The following CCDC148 variants were observed in gnomAD, a reference collection of about 807,000 sequenced individuals.
CCDC148 encodes coiled-coil domain containing 148.
In CCDC148, 89 loss-of-function variants were observed where a neutral mutation model predicts 85.7. The ratio of observed to expected loss-of-function variants is 1.04; its 90% CI spans 0.87 to 1.24. CCDC148 has a LOEUF of 1.24. CCDC148 is among the 50% of genes most tolerant of loss of function. The probability of loss-of-function intolerance (pLI) is 0.00; values close to 1 mark genes in which losing one functional copy is unlikely to be tolerated. For missense variants in CCDC148, 692 were observed against 671.7 expected (o/e 1.03, Z -0.33); for synonymous variants, 230 against 213.9 (o/e 1.08, Z -0.66).
At chr2:158,331,941 G>A (rs1157669520) in intron 7 of CCDC148, among the ~76,000 whole-genome samples, 1 of 152,042 alleles carries the variant, frequency 6.6e-6, no homozygotes, top group Non-Finnish European at 1.5e-5. Context: ...GCACACTGAT[G>A]GGTCTTGACT....
intron 2 of CCDC148, among the ~76,000 whole-genome samples, chr2:158,355,191 C>G (rs7420144): frequency 0.4 from 61,051 of 151,262 alleles, 12,979 homozygotes; most frequent in South Asian, 0.61. Context: ...CCCTCTCTCA[C>G]CACTCCTATT....
chr2:158,447,703 G>A (rs1688217988), intron 1 of CCDC148, among the ~76,000 whole-genome samples: 2 of 151,950 alleles, frequency 1.3e-5, no homozygotes, highest in East Asian at 1.9e-4. Flanking sequence ...TACCTTTTTG[G>A]TGAAATCTCT....
At chr2:158,370,829 A>G (rs1423182198) in intron 1 of CCDC148, among the ~76,000 whole-genome samples, 1 of 151,780 alleles carries the variant, frequency 6.6e-6, no homozygotes, top group African/African-American at 2.4e-5. Flanking sequence ...GGAATAAACT[A>G]TATAAGAAGT....
intron 11 of CCDC148, among the ~76,000 whole-genome samples, chr2:158,186,967 A>T (rs537660623): frequency 6.6e-6 from 1 of 151,858 alleles, no homozygotes; most frequent in East Asian, 1.9e-4. Flanking sequence ...CCAATATCCA[A>T]CTCTAATTCT....
intron 1 of CCDC148, among the ~76,000 whole-genome samples, chr2:158,386,486 T>C (rs1458774562): frequency 6.6e-6 from 1 of 152,114 alleles, no homozygotes; most frequent in African/African-American, 2.4e-5. Flanking sequence ...GCAATGCAGA[T>C]TAATTTTTCT....
intron 9 of CCDC148, among the ~76,000 whole-genome samples, chr2:158,291,799 A>G (rs542279381): frequency 6.6e-6 from 1 of 152,350 alleles, no homozygotes; most frequent in South Asian, 2.1e-4. Flanking sequence ...AGGTAGGTGC[A>G]CAAAAACTAT....
At position 158,440,658 on chromosome 2, in the gene CCDC148, C is replaced by T. The variant is rs540361738; in HGVS notation, c.25+15757G>A. On this transcript the variant is annotated intron_variant, in intron 1 of 13. Transcript: ENST00000283233. ...TAATAAAATAGAATGTTTATAGCAA[C>T]GTACTATAATAAAATTATGTAAATG... Among the ~76,000 whole-genome samples the T allele has an allele frequency of 3.4e-4, 51 of 152,224 alleles. 1 individual carries two copies. The highest frequency in any genetic ancestry group is 6.8e-3 in the Middle Eastern group (2 of 294).
At chr2:158,302,187 G>A (rs1017200707) in intron 9 of CCDC148, among the ~76,000 whole-genome samples, 3 of 152,182 alleles carry the variant, frequency 2.0e-5, no homozygotes, top group Non-Finnish European at 4.4e-5. Flanking sequence ...CACCTGGCAA[G>A]AGACAGAAAG....
chr2:158,380,629 ATAT>A (rs1684831313), intron 1 of CCDC148, among the ~76,000 whole-genome samples: 1 of 152,186 alleles, frequency 6.6e-6, no homozygotes, highest in Admixed American at 6.6e-5. Context: ...TGGTTTAAAA[ATAT>A]GTATAGAAAT....
At chr2:158,422,577 C>T (rs1179054504) in intron 1 of CCDC148, among the ~76,000 whole-genome samples, 5 of 152,046 alleles carry the variant, frequency 3.3e-5, no homozygotes, top group African/African-American at 2.4e-5. Flanking sequence ...ATTGATGGGA[C>T]GTATCTCAAA....
chr2:158,199,874 A>T (rs1341557266), intron 11 of CCDC148, among the ~76,000 whole-genome samples: 1 of 152,248 alleles, frequency 6.6e-6, no homozygotes, highest in Non-Finnish European at 1.5e-5. Flanking sequence ...TGCTTAAAGC[A>T]TAAACATCTA....
At chr2:158,280,931 C>T (rs1322246579) in intron 9 of CCDC148, among the ~76,000 whole-genome samples, 1 of 152,180 alleles carries the variant, frequency 6.6e-6, no homozygotes, top group African/African-American at 2.4e-5. Context: ...AACTATCTCT[C>T]AGACCACAGT....
chr2:158,347,636 G>C (rs541087128), intron 2 of CCDC148, among the ~76,000 whole-genome samples: 2 of 152,124 alleles, frequency 1.3e-5, no homozygotes, highest in South Asian at 4.2e-4. Flanking sequence ...CCAAAACAAT[G>C]AATTCATAAA....
intron 1 of CCDC148, among the ~76,000 whole-genome samples, chr2:158,390,007 T>C (rs532226680): frequency 1.3e-5 from 2 of 152,282 alleles, no homozygotes; most frequent in Non-Finnish European, 2.9e-5. Context: ...TCTTAGCACT[T>C]GTATCAGAGA....
chr2:158,225,761 A>G (rs1027132020), intron 10 of CCDC148, among the ~76,000 whole-genome samples: 48 of 152,342 alleles, frequency 3.2e-4, no homozygotes, highest in Admixed American at 9.1e-4. Context: ...AACCAATGAG[A>G]ACAAAGACAC....
intron 2 of CCDC148, among the ~76,000 whole-genome samples, chr2:158,347,792 C>T (rs1332711222): frequency 6.6e-6 from 1 of 151,966 alleles, no homozygotes; most frequent in Admixed American, 6.6e-5. Flanking sequence ...ACTAGTAGAC[C>T]ACTGGTTACA....
In CCDC148 at chr2:158,286,273, T is replaced by C. The variant is rs575658255; in HGVS notation, c.1110+23160A>G. Among the ~76,000 whole-genome samples the C allele has an allele frequency of 9.5e-4, 144 of 152,286 alleles. 1 individual carries two copies. Among genetic ancestry groups the C allele is most frequent in the African/African-American group, 3.4e-3 (141 of 41,566 alleles). Reference sequence around the variant, plus strand: ...CCTCTGCAAAGAAACAATAAAACTTTACAAGAGGCTGCTCTGCCTATGGAG... The same window carrying C: ...CCTCTGCAAAGAAACAATAAAACTTCACAAGAGGCTGCTCTGCCTATGGAG... On this transcript the variant is annotated intron_variant, in intron 9 of 13. Coordinates refer to ENST00000283233, the MANE Select transcript of CCDC148 (RefSeq NM_138803.4).
At chr2:158,407,687 G>T (rs980166637) in intron 1 of CCDC148, among the ~76,000 whole-genome samples, 1 of 152,098 alleles carries the variant, frequency 6.6e-6, no homozygotes, top group Non-Finnish European at 1.5e-5. Context: ...AAAATAATGT[G>T]GGTCCCAGCT....
At chr2:158,407,372 A>G (rs1686072022) in intron 1 of CCDC148, among the ~76,000 whole-genome samples, 1 of 152,124 alleles carries the variant, frequency 6.6e-6, no homozygotes, top group African/African-American at 2.4e-5. Context: ...CATGATCAGG[A>G]GTCTATTAGG....
Sources: allele counts gnomAD v4.1 joint callset (sites outside exome capture counted in the v4.1 genomes callset), GRCh38; gene constraint gnomAD v4.1.1; transcripts MANE v1.5; gene names NCBI Gene and HGNC (gene_info 2026-07-23, HGNC 2026-07-21).